BCAS3: variants seen among roughly 807,000 people sequenced by gnomAD.
BCAS3 encodes BCAS3 microtubule associated cell migration factor, also known as BCAS4/BCAS3 fusion.
BCAS3 carries 53 observed loss-of-function variants against 116.1 expected under a neutral mutation model. That is an observed-to-expected ratio of 0.46 (90% CI 0.37 to 0.57). The LOEUF (loss-of-function observed/expected upper bound fraction) is 0.57. Among genes scored for constraint, BCAS3 ranks in the 20% least tolerant of loss-of-function variants. The probability of loss-of-function intolerance (pLI) is 0.00; values close to 1 mark genes in which losing one functional copy is unlikely to be tolerated. For missense variants in BCAS3, 917 were observed against 1,165.4 expected (o/e 0.79, Z 3.10); for synonymous variants, 391 against 408.2 (o/e 0.96, Z 0.51).
intron 22 of BCAS3, among the ~76,000 whole-genome samples, chr17:61,190,592 A>C (rs1244263326): frequency 1.3e-5 from 2 of 151,506 alleles, no homozygotes; most frequent in African/African-American, 2.4e-5. Flanking sequence ...CTCTACAAAA[A>C]AATTTTATTT....
In BCAS3 at chr17:61,251,194, A is replaced by T. The variant is rs1389017255; in HGVS notation, c.2426-117133A>T. 6.6e-6 allele frequency among the ~76,000 whole-genome samples: 1 copy of T among 152,236 alleles called. No homozygotes were observed. Among genetic ancestry groups the T allele is most frequent in the Non-Finnish European group, 1.5e-5 (1 of 68,042 alleles). On this transcript the variant is annotated intron_variant, in intron 22 of 23. Coordinates refer to ENST00000407086, the MANE Select transcript of BCAS3 (RefSeq NM_017679.5). This position sits in a 1 kb window ranked among gnomAD's most constrained non-coding sequence, Gnocchi z 4.7. ...GAGGCCTCAGCCTGGTGTCCCAGAC[A>T]GTATTTGTCAGGCTGATGATAAGCT...
intron 14 of BCAS3, among the ~76,000 whole-genome samples, chr17:60,971,627 G>C (rs2096694033): frequency 6.6e-6 from 1 of 152,146 alleles, no homozygotes; most frequent in African/African-American, 2.4e-5. Flanking sequence ...ATCAGGCCCA[G>C]GTATTTAAAG....
chr17:61,281,735 T>A lies in BCAS3; in HGVS notation c.2426-86592T>A, dbSNP rs1050163328. On this transcript the variant is annotated intron_variant, in intron 22 of 23. Transcript: ENST00000407086. The surrounding 1 kb of genome is among the most constrained non-coding windows in gnomAD (Gnocchi z 4.2). Reference sequence around the variant, plus strand: ...CAAATTAGCACTCTATCATATATATTATAAATATTTTTCCAAGTTTGTCAG... The same window carrying A: ...CAAATTAGCACTCTATCATATATATAATAAATATTTTTCCAAGTTTGTCAG... Among the ~76,000 whole-genome samples, 2 of 152,116 alleles carry A rather than the reference T, an allele frequency of 1.3e-5. No individual in the cohort carries two copies. The highest frequency in any genetic ancestry group is 4.8e-5 in the African/African-American group (2 of 41,450).
rs916059456 is a variant in BCAS3, at chr17:61,196,602, G to A, written c.2425+112038G>A. On this transcript the variant is annotated intron_variant, in intron 22 of 23. Transcript: ENST00000407086. This position sits in a 1 kb window ranked among gnomAD's most constrained non-coding sequence, Gnocchi z 4.7. ...AGGTTAGACTGGGGCTAGCCAGACT[G>A]CTCCACATAGACTTCCGATTCGAAT... Among the ~76,000 whole-genome samples, 2 of 152,166 alleles carry A rather than the reference G, an allele frequency of 1.3e-5. No homozygotes were observed. The highest frequency in any genetic ancestry group is 2.9e-5 in the Non-Finnish European group (2 of 68,034).
chr17:60,821,891 G>A (rs2050001210), intron 7 of BCAS3: 5 of 152,164 alleles, frequency 3.3e-5, no homozygotes, highest in Admixed American at 1.3e-4. Flanking sequence ...GCCCAGGCTG[G>A]TCTTAAACTC....
rs994292225 is a variant in BCAS3 at position 61,004,027 on chromosome 17, C to A, written c.1487-11724C>A. 1.3e-5 allele frequency: 2 copies of A among 152,036 alleles called. No homozygotes were observed. The highest frequency in any genetic ancestry group is 2.9e-5 in the Non-Finnish European group (2 of 67,990). The allele number at this position is 152,036 out of a possible 1,614,324, so 9.4% of individuals were successfully genotyped here. A position where few individuals can be genotyped will look rare whatever the true frequency, so the allele number is the denominator to read the frequency against. On this transcript the variant is annotated intron_variant, in intron 15 of 23. Transcript: ENST00000407086. This position sits in a 1 kb window ranked among gnomAD's most constrained non-coding sequence, Gnocchi z 4.8. ...GGTTGGGGTAATAAAGAGTTTCTGG[C>A]AATAAACTTAGAAGTTAGTTTTCAA... is the stretch of plus-strand genomic sequence containing the variant.
chr17:61,107,701 A>C (rs900506238), intron 22 of BCAS3, among the ~76,000 whole-genome samples: 1 of 152,188 alleles, frequency 6.6e-6, no homozygotes, highest in Non-Finnish European at 1.5e-5. Flanking sequence ...TATTCCCTTT[A>C]ATTGCTGAGT....
At chr17:60,965,326 A>G (rs2061601679) in intron 14 of BCAS3, among the ~76,000 whole-genome samples, 1 of 147,494 alleles carries the variant, frequency 6.8e-6, no homozygotes, top group Admixed American at 6.9e-5. Flanking sequence ...AGTTCAAGTG[A>G]TTCTCCTGCC....
chr17:60,905,237 A>G lies in BCAS3; in HGVS notation c.822+2534A>G, dbSNP rs113378560. On this transcript the variant is annotated intron_variant, in intron 11 of 23. Transcript: ENST00000407086. ...TTGGGATAAGAATATATAGGACACA[A>G]TTCTTCAGTATATAGGACGCTATAT... is the stretch of plus-strand genomic sequence containing the variant. Among the ~76,000 whole-genome samples the G allele has an allele frequency of 3.7e-3, 571 of 152,338 alleles. 3 individuals carry two copies. Among genetic ancestry groups the G allele is most frequent in the African/African-American group, 0.013 (543 of 41,582 alleles).
intron 22 of BCAS3, among the ~76,000 whole-genome samples, chr17:61,351,035 C>T (rs1281683359): frequency 6.6e-6 from 1 of 152,192 alleles, no homozygotes; most frequent in Non-Finnish European, 1.5e-5. Flanking sequence ...CCCTTTCAGA[C>T]CCATCATACG....
At chr17:60,979,986 G>A (rs1426022144) in intron 14 of BCAS3, among the ~76,000 whole-genome samples, 1 of 152,004 alleles carries the variant, frequency 6.6e-6, no homozygotes, top group Non-Finnish European at 1.5e-5. Flanking sequence ...GCCCGGCTTT[G>A]GTATCAGGAT....
intron 22 of BCAS3, among the ~76,000 whole-genome samples, chr17:61,246,786 AGT>A (rs920796113): frequency 7.2e-5 from 9 of 124,220 alleles, no homozygotes; most frequent in African/African-American, 1.3e-4. Context: ...TTTGCCTTTG[AGT>A]GAGAGTGTGT....
At chr17:61,209,078 C>T (rs191942932) in intron 22 of BCAS3, among the ~76,000 whole-genome samples, 1 of 151,748 alleles carries the variant, frequency 6.6e-6, no homozygotes, top group Admixed American at 6.6e-5. Context: ...AAGTAAACAT[C>T]CACTGTGTGG....
intron 6 of BCAS3, among the ~76,000 whole-genome samples, chr17:60,790,050 T>C (rs1823750614): frequency 6.6e-6 from 1 of 152,186 alleles, no homozygotes; most frequent in East Asian, 1.9e-4. Flanking sequence ...ATGGACTTTC[T>C]AGTAAATGTG....
At chr17:60,781,443 A>G (rs1054374806) in intron 6 of BCAS3, among the ~76,000 whole-genome samples, 1 of 152,044 alleles carries the variant, frequency 6.6e-6, no homozygotes, top group East Asian at 1.9e-4. Flanking sequence ...TACTAAAAAT[A>G]CAAAAATTAG....
chr17:60,828,044 G>A (rs2050590524), intron 7 of BCAS3, among the ~76,000 whole-genome samples: 2 of 151,986 alleles, frequency 1.3e-5, no homozygotes, highest in South Asian at 2.1e-4. Context: ...CAGCCACCAA[G>A]AAGGATGCAG....
chr17:61,007,495 A>G lies in BCAS3; in HGVS notation c.1487-8256A>G, dbSNP rs2064796659. Among the ~76,000 whole-genome samples the G allele has an allele frequency of 1.3e-5, 2 of 152,090 alleles. No individual in the cohort carries two copies. On this transcript the variant is annotated intron_variant, in intron 15 of 23. Coordinates refer to ENST00000407086, the MANE Select transcript of BCAS3 (RefSeq NM_017679.5). This position sits in a 1 kb window ranked among gnomAD's most constrained non-coding sequence, Gnocchi z 4.3. ...ACATTCAGATAATAATTAACAGATG[A>G]TAATGGATTCACAATAGAAAAGGAA... is the stretch of plus-strand genomic sequence containing the variant.
intron 15 of BCAS3, among the ~76,000 whole-genome samples, chr17:61,001,450 A>C (rs1185626179): frequency 1.3e-5 from 2 of 152,188 alleles, no homozygotes; most frequent in Non-Finnish European, 2.9e-5. Flanking sequence ...AGCCTTATAT[A>C]GTTTCACCTA....
intron 5 of BCAS3, among the ~76,000 whole-genome samples, chr17:60,715,345 CAGGCTGG>C (rs2038461438): frequency 6.6e-6 from 1 of 151,798 alleles, no homozygotes; most frequent in African/African-American, 2.4e-5. Flanking sequence ...CCATGTTGGC[CAGGCTGG>C]TTTCAAACTC....
Sources: allele counts gnomAD v4.1 joint callset (sites outside exome capture counted in the v4.1 genomes callset), GRCh38; gene constraint gnomAD v4.1.1; non-coding constraint Gnocchi (gnomAD v3.1); transcripts MANE v1.5; gene names NCBI Gene and HGNC (gene_info 2026-07-23, HGNC 2026-07-21).